The following N4BP2L1 variants were observed in gnomAD, a reference collection of about 807,000 sequenced individuals.
N4BP2L1 encodes NEDD4-binding protein 2-like 1.
In N4BP2L1, 12 loss-of-function variants were observed where a neutral mutation model predicts 21.2. The observed-to-expected ratio is 0.57, with a 90% CI of 0.36 to 0.92. N4BP2L1 has a LOEUF of 0.92. N4BP2L1 is among the 40% of genes least tolerant of loss of function. The pLI is 0.01. For synonymous variants in N4BP2L1, 104 were observed against 112.8 expected (o/e 0.92, Z 0.49); for missense variants, 259 against 310.6 (o/e 0.83, Z 1.25).
chr13:32,417,860 G>A (rs541231096), intron 1 of N4BP2L1, among the ~76,000 whole-genome samples: 47 of 152,238 alleles, frequency 3.1e-4, no homozygotes, highest in African/African-American at 8.4e-4. Context: ...ATTTTGCCCC[G>A]CCCTAGAGAT....
At chr13:32,421,930 T>A (rs1375389208) in intron 1 of N4BP2L1, among the ~76,000 whole-genome samples, 1 of 152,166 alleles carries the variant, frequency 6.6e-6, no homozygotes, top group South Asian at 2.1e-4. Context: ...GGAAGGTTCA[T>A]GAAACTGCCA....
chr13:32,407,577 C>T, intron 2 of N4BP2L1, 68 bp downstream of exon 2: 2 of 1,605,812 alleles, frequency 1.2e-6, no homozygotes, highest in Non-Finnish European at 1.7e-6. Context: ...AAAATTTATT[C>T]ATTCTGCAGC....
intron 1 of N4BP2L1, among the ~76,000 whole-genome samples, chr13:32,417,770 G>A (rs1028811868): frequency 6.6e-6 from 1 of 152,214 alleles, no homozygotes; most frequent in Non-Finnish European, 1.5e-5. Context: ...ATGAAGTCCA[G>A]GCTGAGGTGG....
rs534808878 is a variant in N4BP2L1, at chr13:32,402,596, C to A, written c.*346G>T. 1 of 1,008,698 alleles carries A rather than the reference C, an allele frequency of 9.9e-7. No individual in the cohort carries two copies. Among genetic ancestry groups the A allele is most frequent in the South Asian group, 4.6e-5 (1 of 21,962 alleles). The allele number at this position is 1,008,698 out of a possible 1,614,324, so 62.5% of individuals were successfully genotyped here. On this transcript the variant is annotated 3_prime_UTR_variant, in exon 5 of 5. Transcript: ENST00000380130. ...TCCTGAAAAAATAAATAGATCACTT[C>A]AGAGCAAATGGTACTGAAGCTTATA...
At chr13:32,413,299 G>C (rs1388301793) in intron 1 of N4BP2L1, among the ~76,000 whole-genome samples, 1 of 152,138 alleles carries the variant, frequency 6.6e-6, no homozygotes, top group Non-Finnish European at 1.5e-5. Context: ...TAAGCTTCAA[G>C]TACTGCACTT....
intron 1 of N4BP2L1, among the ~76,000 whole-genome samples, chr13:32,409,219 A>G (rs1048584912): frequency 3.3e-5 from 5 of 152,240 alleles, no homozygotes; most frequent in Admixed American, 1.3e-4. Flanking sequence ...CATTTTCAAA[A>G]ACGAGTGAAT....
chr13:32,427,787 G>C (rs1018575102), intron 1 of N4BP2L1, 117 bp downstream of exon 1: 4 of 545,396 alleles, frequency 7.3e-6, no homozygotes, highest in Non-Finnish European at 1.1e-5. Flanking sequence ...GGCCGCGGCA[G>C]GCACCCGCGG....
At chr13:32,420,004 A>G (rs2074385371) in intron 1 of N4BP2L1, among the ~76,000 whole-genome samples, 1 of 152,168 alleles carries the variant, frequency 6.6e-6, no homozygotes, top group Non-Finnish European at 1.5e-5. Flanking sequence ...CAGTGCTGCC[A>G]CCCACCCCAC....
In N4BP2L1 at chr13:32,402,885, C is replaced by CA; in HGVS notation, c.*56dup. 1 of 1,508,194 alleles carries CA rather than the reference C, an allele frequency of 6.6e-7. No homozygotes were observed. The highest frequency in any genetic ancestry group is 8.9e-7 in the Non-Finnish European group (1 of 1,128,328). 93.4% of individuals were successfully genotyped at this position (1,508,194 alleles called of 1,614,324 possible). A position where few individuals can be genotyped will look rare whatever the true frequency, so the allele number is the denominator to read the frequency against. On this transcript the variant is annotated 3_prime_UTR_variant, in exon 5 of 5. Coordinates refer to ENST00000380130, the MANE Select transcript of N4BP2L1 (RefSeq NM_052818.3). ...CTGACTAAAATGCAACAAAAAATAACAAAAACTGAAGTAGAAACTGACTTA... is the reference window on the plus strand; with the variant it reads ...CTGACTAAAATGCAACAAAAAATAACAAAAAACTGAAGTAGAAACTGACTTA...
chr13:32,412,022 G>A (rs2137824010), intron 1 of N4BP2L1: 1 of 152,432 alleles, frequency 6.6e-6, no homozygotes, highest in East Asian at 1.9e-4. Context: ...TCAGTGTTTA[G>A]TCTCCCTGCT....
chr13:32,402,973 T>C lies in N4BP2L1; in HGVS notation c.701A>G (p.His234Arg). 17 of 1,612,706 alleles carry C rather than the reference T, an allele frequency of 1.1e-5. No homozygotes were observed. Among genetic ancestry groups the C allele is most frequent in the Non-Finnish European group, 1.4e-5 (16 of 1,179,008 alleles). ...HGGFTNESSY[H>R]RRGGCHHGY Reference sequence around the variant, plus strand: ...TCCATGGTGACAACCGCCCCTTCTGTGATAGGAGCTCTCATTTGTAAATCC... The same window carrying C: ...TCCATGGTGACAACCGCCCCTTCTGCGATAGGAGCTCTCATTTGTAAATCC... Residue 234 changes from histidine to arginine, a missense_variant, in exon 5 of 5, where the codon CAC becomes CGC. Transcript: ENST00000380130.
At chr13:32,406,946 C>T in intron 3 of N4BP2L1, 1 of 384,104 alleles carries the variant, frequency 2.6e-6, no homozygotes, top group Non-Finnish European at 4.9e-6. Context: ...TCGGTGGGTG[C>T]TTCTCTGTAT....
Position 32,402,565 on chromosome 13 carries a change from T to G in N4BP2L1, c.*377A>C. 1.0e-6 allele frequency: 1 copy of G among 994,132 alleles called. No homozygotes were observed. Among genetic ancestry groups the G allele is most frequent in the Non-Finnish European group, 1.2e-6 (1 of 835,770 alleles). The allele number at this position is 994,132 out of a possible 1,614,324, so 61.6% of individuals were successfully genotyped here. ...ACCTTCCCAACTTTACCGATGGAGA[T>G]GAATTTCCTGAAAAAATAAATAGAT... On this transcript the variant is annotated 3_prime_UTR_variant, in exon 5 of 5. Transcript: ENST00000380130.
upstream of N4BP2L1, among the ~76,000 whole-genome samples, chr13:32,429,499 A>G (rs549065338): frequency 6.6e-6 from 1 of 152,268 alleles, no homozygotes; most frequent in Non-Finnish European, 1.5e-5. Flanking sequence ...CCAGCTTCAC[A>G]TGCTACCTTT....
intron 1 of N4BP2L1, among the ~76,000 whole-genome samples, chr13:32,413,395 A>G (rs748254878): frequency 6.6e-6 from 1 of 152,212 alleles, no homozygotes; most frequent in Non-Finnish European, 1.5e-5. Context: ...AATGTTCTGC[A>G]TTCTGGGTTT....
At chr13:32,425,960 A>T (rs1035434508) in intron 1 of N4BP2L1, 1 of 152,026 alleles carries the variant, frequency 6.6e-6, no homozygotes, top group Non-Finnish European at 1.5e-5. Context: ...TCGTCCCTAG[A>T]GAGAGAGAGA....
At chr13:32,408,611 G>C (rs1160753012) in intron 1 of N4BP2L1, among the ~76,000 whole-genome samples, 4 of 152,202 alleles carry the variant, frequency 2.6e-5, no homozygotes, top group African/African-American at 9.6e-5. Flanking sequence ...GTCATGCTCC[G>C]CAAGAACTGG....
At chr13:32,418,512 C>T (rs2074272837) in intron 1 of N4BP2L1, among the ~76,000 whole-genome samples, 2 of 152,174 alleles carry the variant, frequency 1.3e-5, no homozygotes, top group Admixed American at 1.3e-4. Context: ...GGGGTCAAAG[C>T]CCCCACACAG....
intron 1 of N4BP2L1, chr13:32,425,568 C>A (rs1324527036): frequency 2.6e-5 from 4 of 152,170 alleles, no homozygotes; most frequent in Non-Finnish European, 5.9e-5. Context: ...TCCTCCCACA[C>A]ACATTTAATG....
Sources: allele counts gnomAD v4.1 joint callset (sites outside exome capture counted in the v4.1 genomes callset), GRCh38; gene constraint gnomAD v4.1.1; transcripts MANE v1.5; gene names NCBI Gene and HGNC (gene_info 2026-07-23, HGNC 2026-07-21).